Variants in HTR2C observed in about 807,000 individuals in gnomAD.
The protein encoded by HTR2C is 5-hydroxytryptamine (serotonin) receptor 2C, G protein-coupled.
In HTR2C, 5 loss-of-function variants were observed where a neutral mutation model predicts 21.0. The ratio of observed to expected loss-of-function variants is 0.24; its 90% CI spans 0.12 to 0.50. HTR2C has a LOEUF of 0.50. Among genes scored for constraint, HTR2C ranks in the 20% least tolerant of loss-of-function variants. The pLI, the probability that HTR2C is intolerant of heterozygous loss-of-function variation, is 0.98. For missense variants in HTR2C, 271 were observed against 371.2 expected (o/e 0.73, Z 2.22); for synonymous variants, 150 against 145.3 (o/e 1.03, Z -0.23).
rs782462150 is a variant in HTR2C at position 114,805,801 on chromosome X, ATG to A, written c.350-42200_350-42199del. On this transcript the variant is annotated intron_variant, in intron 4 of 5. Coordinates refer to ENST00000276198, the MANE Select transcript of HTR2C (RefSeq NM_000868.4). ...CATGTATATACACCATATATATACC[ATG>A]TATATACACCATATATATACCATAT... is the stretch of plus-strand genomic sequence containing the variant. Among the ~76,000 whole-genome samples, 132 of 95,562 alleles carry A rather than the reference ATG, an allele frequency of 1.4e-3. 15 individuals are homozygous for A. The highest frequency in any genetic ancestry group is 5.4e-3 in the African/African-American group (124 of 22,908). 83.0% of individuals were successfully genotyped at this position (95,562 alleles called of 115,157 possible).
At chrX:114,850,423 T>C (rs1364762722) in intron 5 of HTR2C, among the ~76,000 whole-genome samples, 2 of 110,296 alleles carry the variant, frequency 1.8e-5, no homozygotes, top group African/African-American at 6.6e-5. Flanking sequence ...ACAAAAAAAA[T>C]TAATTAATTA....
At chrX:114,878,991 T>C (rs1024737975) in intron 5 of HTR2C, among the ~76,000 whole-genome samples, 3 of 110,786 alleles carry the variant, frequency 2.7e-5, no homozygotes, top group Non-Finnish European at 3.8e-5. Context: ...AAATGTTAAC[T>C]ACGTTCAATT....
intron 4 of HTR2C, among the ~76,000 whole-genome samples, chrX:114,802,878 C>T (rs1326118430): frequency 1.7e-5 from 1 of 59,854 alleles, no homozygotes; most frequent in African/African-American, 6.5e-5. Context: ...CTATCCCTCC[C>T]CCCTCCCCCC....
chrX:114,798,054 A>G (rs2070311141), intron 4 of HTR2C, among the ~76,000 whole-genome samples: 1 of 56,082 alleles, frequency 1.8e-5, no homozygotes, highest in Non-Finnish European at 3.8e-5. Flanking sequence ...TAGTATTAGT[A>G]TTAACATTGC....
At chrX:114,834,352 C>T (rs1253151620) in intron 4 of HTR2C, among the ~76,000 whole-genome samples, 32 of 103,957 alleles carry the variant, frequency 3.1e-4, no homozygotes, top group African/African-American at 1.1e-3. Context: ...CTTTGTAGGT[C>T]ACTCAGGACT....
chrX:114,649,903 C>T (rs1248473285), intron 2 of HTR2C, among the ~76,000 whole-genome samples: 2 of 111,688 alleles, frequency 1.8e-5, no homozygotes, highest in Non-Finnish European at 3.8e-5. Flanking sequence ...GTGTGAGCCA[C>T]CGTGCCCGGC....
At chrX:114,674,680 A>G (rs1931492793) in intron 2 of HTR2C, among the ~76,000 whole-genome samples, 1 of 111,868 alleles carries the variant, frequency 8.9e-6, no homozygotes, top group Non-Finnish European at 1.9e-5. Context: ...AAATTATAAC[A>G]TCTATTATTT....
chrX:114,594,443 T>C, intron 1 of HTR2C, among the ~76,000 whole-genome samples: 1 of 109,073 alleles, frequency 9.2e-6, no homozygotes, highest in Non-Finnish European at 1.9e-5. Context: ...ATATAGAAAT[T>C]GAAAAAGAAG....
At chrX:114,810,894 C>CA (rs782702039) in intron 4 of HTR2C, among the ~76,000 whole-genome samples, 1 of 110,760 alleles carries the variant, frequency 9.0e-6, no homozygotes, top group Non-Finnish European at 1.9e-5. Context: ...ATTTGTACCC[C>CA]TCACACCAAA....
intron 5 of HTR2C, among the ~76,000 whole-genome samples, chrX:114,849,389 C>G (rs781859644): frequency 2.7e-5 from 3 of 112,193 alleles, no homozygotes; most frequent in Non-Finnish European, 5.6e-5. Context: ...GGATAAAACA[C>G]TAAAAGCCCT....
chrX:114,683,139 C>G (rs1489930345), intron 2 of HTR2C, among the ~76,000 whole-genome samples: 3 of 111,703 alleles, frequency 2.7e-5, no homozygotes, highest in Non-Finnish European at 5.6e-5. Flanking sequence ...GAAACGTAGA[C>G]TGTTTTTAAC....
intron 4 of HTR2C, among the ~76,000 whole-genome samples, chrX:114,823,930 C>A (rs1556457323): frequency 9.0e-6 from 1 of 111,610 alleles, no homozygotes; most frequent in African/African-American, 3.3e-5. Context: ...GAATCTAATT[C>A]TTAATTATAG....
At chrX:114,815,836 C>T (rs1196316723) in intron 4 of HTR2C, among the ~76,000 whole-genome samples, 1 of 110,958 alleles carries the variant, frequency 9.0e-6, no homozygotes, top group Admixed American at 9.6e-5. Context: ...TAAGAATTGC[C>T]CCTCCTCTGT....
chrX:114,908,129 T>C lies in HTR2C; in HGVS notation c.*714T>C, dbSNP rs2071389080. On this transcript the variant is annotated 3_prime_UTR_variant, in exon 6 of 6. Coordinates refer to ENST00000276198, the MANE Select transcript of HTR2C (RefSeq NM_000868.4). ...GTAATACACCAAATAGCTTTTCACT[T>C]CTTAAGGACAGTGTTCAAATTCTGA... 1.8e-5 allele frequency: 2 copies of C among 112,596 alleles called. 1 individual carries two copies. The highest frequency in any genetic ancestry group is 1.9e-4 in the Admixed American group (2 of 10,583). The allele number at this position is 112,596 out of a possible 1,213,427, so 9.3% of individuals were successfully genotyped here.
At chrX:114,678,089 C>T (rs1184804835) in intron 2 of HTR2C, among the ~76,000 whole-genome samples, 1 of 111,314 alleles carries the variant, frequency 9.0e-6, no homozygotes, top group African/African-American at 3.3e-5. Flanking sequence ...CTTTCCTGTG[C>T]TTTGAATTAT....
In HTR2C at chrX:114,726,399, A is replaced by G. The variant is rs868913456; in HGVS notation, c.-79-459A>G. On this transcript the variant is annotated intron_variant, in intron 2 of 5. Coordinates refer to ENST00000276198, the MANE Select transcript of HTR2C (RefSeq NM_000868.4). ...TCGCGCACGGTGCGTGCACCCACTG[A>G]CCTGCGCCCACTGTCTGGCACTCCC... is the stretch of plus-strand genomic sequence containing the variant. Among the ~76,000 whole-genome samples the G allele has an allele frequency of 3.6e-5, 4 of 111,961 alleles. No homozygotes were observed. The South Asian group carries it at 1.5e-3, about 42-fold the overall frequency.
chrX:114,600,065 T>C (rs1420630129), intron 1 of HTR2C, among the ~76,000 whole-genome samples: 1 of 111,677 alleles, frequency 9.0e-6, no homozygotes, highest in East Asian at 2.8e-4. Flanking sequence ...CAACAAATAT[T>C]GAGCCCTAAC....
intron 2 of HTR2C, among the ~76,000 whole-genome samples, chrX:114,641,209 G>A (rs781997863): frequency 1.8e-5 from 2 of 110,067 alleles, no homozygotes; most frequent in Admixed American, 9.9e-5. Context: ...TCTTAAACTT[G>A]AATAAAATGT....
intron 5 of HTR2C, among the ~76,000 whole-genome samples, chrX:114,872,139 T>C (rs781905241): frequency 1.8e-5 from 2 of 110,825 alleles, no homozygotes; most frequent in Admixed American, 9.6e-5. Context: ...TACCCAATTG[T>C]TATCTTTTCT....
Sources: gnomAD v4.1 joint callset for allele counts (sites outside exome capture counted in the v4.1 genomes callset) on GRCh38, gnomAD v4.1.1 for gene constraint, MANE v1.5 for transcripts, NCBI Gene and HGNC (gene_info 2026-07-23, HGNC 2026-07-21) for gene names.